UBE2R2: variants seen among roughly 807,000 people sequenced by gnomAD.
UBE2R2 encodes ubiquitin-conjugating enzyme E2 R2.
Under a neutral mutation model 27.8 loss-of-function variants are expected in UBE2R2, and 1 was observed. The observed-to-expected ratio is 0.04, with a 90% CI of 0.01 to 0.17. UBE2R2 has a LOEUF of 0.17. Ranked by LOEUF, UBE2R2 falls within the 10% of genes least tolerant of loss-of-function variation. The pLI is 1.00. For synonymous variants in UBE2R2, 106 were observed against 113.3 expected (o/e 0.94, Z 0.41); for missense variants, 100 against 291.0 (o/e 0.34, Z 4.78).
rs975643958 is a variant in UBE2R2, at chr9:33,856,838, C to T, written c.178-30043C>T. Among the ~76,000 whole-genome samples, 9 of 150,636 alleles carry T rather than the reference C, an allele frequency of 6.0e-5. No homozygotes were observed. The South Asian group carries it at 1.1e-3, about 18-fold the overall frequency. On this transcript the variant is annotated intron_variant, in intron 1 of 4. Transcript: ENST00000263228. ...CCTTCCATCCATCCATCCGTCTGTCCGTCCTTCCATCCATCCATCCGTCTG... is the reference window on the plus strand; with the variant it reads ...CCTTCCATCCATCCATCCGTCTGTCTGTCCTTCCATCCATCCATCCGTCTG...
intron 1 of UBE2R2, among the ~76,000 whole-genome samples, chr9:33,877,488 T>C (rs573254806): frequency 6.6e-6 from 1 of 152,034 alleles, no homozygotes; most frequent in East Asian, 1.9e-4. Flanking sequence ...TTTTAAAAGA[T>C]TATATAGTAG....
At chr9:33,905,603 A>G (rs1447100464) in intron 3 of UBE2R2, among the ~76,000 whole-genome samples, 5 of 152,220 alleles carry the variant, frequency 3.3e-5, no homozygotes, top group Non-Finnish European at 7.3e-5. Flanking sequence ...GAGGTGTTAT[A>G]TTTGTTGGTT....
intron 2 of UBE2R2, among the ~76,000 whole-genome samples, chr9:33,896,722 A>G (rs1822114049): frequency 6.6e-6 from 1 of 151,408 alleles, no homozygotes; most frequent in South Asian, 2.1e-4. Flanking sequence ...TCCTGGGGTT[A>G]CAGGCGTGAG....
chr9:33,879,362 G>A (rs757942726), intron 1 of UBE2R2, among the ~76,000 whole-genome samples: 7 of 152,164 alleles, frequency 4.6e-5, no homozygotes, highest in Non-Finnish European at 1.0e-4. Context: ...ACTGCTATCT[G>A]TGCTACCTTT....
intron 3 of UBE2R2, among the ~76,000 whole-genome samples, chr9:33,908,384 T>C (rs565324680): frequency 1.3e-5 from 2 of 152,180 alleles, no homozygotes; most frequent in African/African-American, 2.4e-5. Flanking sequence ...CTTGGTCTTA[T>C]GTCTACTGCT....
At chr9:33,824,674 G>A (rs1481602329) in intron 1 of UBE2R2, among the ~76,000 whole-genome samples, 2 of 151,192 alleles carry the variant, frequency 1.3e-5, no homozygotes, top group African/African-American at 2.4e-5. Context: ...GTGATGGTCC[G>A]CACCTGCAGT....
At chr9:33,834,765 C>T (rs932680539) in intron 1 of UBE2R2, among the ~76,000 whole-genome samples, 4 of 151,826 alleles carry the variant, frequency 2.6e-5, no homozygotes, top group Non-Finnish European at 5.9e-5. Context: ...ACAAAATTAG[C>T]CGGATGTGGT....
At chr9:33,880,503 A>G (rs756610091) in intron 1 of UBE2R2, among the ~76,000 whole-genome samples, 24 of 152,136 alleles carry the variant, frequency 1.6e-4, no homozygotes, top group Non-Finnish European at 2.5e-4. Context: ...GTATTATGTC[A>G]TTTCTTTAAA....
intron 3 of UBE2R2, among the ~76,000 whole-genome samples, chr9:33,904,617 T>TAACTCTCA (rs1822312924): frequency 6.6e-6 from 1 of 152,224 alleles, no homozygotes; most frequent in Admixed American, 6.5e-5. Flanking sequence ...TAAGTCAGTC[T>TAACTCTCA]GTATTATCAG....
At chr9:33,906,004 C>T (rs775764373) in intron 3 of UBE2R2, among the ~76,000 whole-genome samples, 6 of 152,124 alleles carry the variant, frequency 3.9e-5, no homozygotes, top group East Asian at 1.9e-4. Flanking sequence ...AATCAATCTG[C>T]GTGTGTGTTT....
At chr9:33,912,707 T>G (rs2130822553) in intron 4 of UBE2R2, among the ~76,000 whole-genome samples, 1 of 152,178 alleles carries the variant, frequency 6.6e-6, no homozygotes, top group Non-Finnish European at 1.5e-5. Flanking sequence ...TTGGAAATCC[T>G]CATTATCAGC....
At chr9:33,886,796 T>A in intron 1 of UBE2R2, 85 bp from the exon 2 acceptor site, 1 of 1,133,708 alleles carries the variant, frequency 8.8e-7, no homozygotes, top group Admixed American at 3.0e-5. Flanking sequence ...GAGCTTTGTT[T>A]CTGTGGCGTG....
intron 1 of UBE2R2, among the ~76,000 whole-genome samples, chr9:33,876,340 A>AGC (rs1422127243): frequency 6.6e-6 from 1 of 151,978 alleles, no homozygotes; most frequent in Non-Finnish European, 1.5e-5. Flanking sequence ...TGGGCGACAG[A>AGC]GCAAGACTCC....
Position 33,919,333 on chromosome 9 carries a change from T to C in UBE2R2, c.*2096T>C, listed in dbSNP as rs1312775514. The C allele has an allele frequency of 6.6e-6, 1 of 151,896 alleles. No homozygotes were observed. Among genetic ancestry groups the C allele is most frequent in the Non-Finnish European group, 1.5e-5 (1 of 67,998 alleles). The allele number at this position is 151,896 out of a possible 1,614,324, so 9.4% of individuals were successfully genotyped here. A position where few individuals can be genotyped will look rare whatever the true frequency, so the allele number is the denominator to read the frequency against. On this transcript the variant is annotated 3_prime_UTR_variant, in exon 5 of 5. Transcript: ENST00000263228. ...AACCCCCATGCAAGTTTACAGCCAG[T>C]AGCTTGGTCTTATTCTCTTGGAGCC...
At chr9:33,884,898 G>C (rs1417233386) in intron 1 of UBE2R2, among the ~76,000 whole-genome samples, 1 of 152,012 alleles carries the variant, frequency 6.6e-6, no homozygotes, top group Admixed American at 6.6e-5. Context: ...CAGGGTTTTT[G>C]TTGTTGCCAT....
At chr9:33,902,821 C>T (rs538266529) in intron 3 of UBE2R2, among the ~76,000 whole-genome samples, 2 of 152,162 alleles carry the variant, frequency 1.3e-5, no homozygotes, top group Non-Finnish European at 2.9e-5. Context: ...AGTTGTAGGC[C>T]GGGCGCAGTG....
chr9:33,907,218 A>G (rs1822375417), intron 3 of UBE2R2, among the ~76,000 whole-genome samples: 1 of 152,258 alleles, frequency 6.6e-6, no homozygotes, highest in Non-Finnish European at 1.5e-5. Context: ...TAACTGAAGC[A>G]GGCAAAAGGA....
intron 3 of UBE2R2, among the ~76,000 whole-genome samples, chr9:33,901,912 CTTTT>C (rs529372244): frequency 1.5e-5 from 2 of 132,270 alleles, no homozygotes; most frequent in Non-Finnish European, 3.3e-5. Flanking sequence ...TCTCATATTT[CTTTT>C]TTTTTTTTTT....
In UBE2R2 at chr9:33,887,521, G is replaced by A. The variant is rs144250112; in HGVS notation, c.264+554G>A. Reference sequence around the variant, plus strand: ...GCATTTCTAGCTTTGTTGATGAAACGTACTTAGCTTTGGGCTAATCCATAA... The same window carrying A: ...GCATTTCTAGCTTTGTTGATGAAACATACTTAGCTTTGGGCTAATCCATAA... On this transcript the variant is annotated intron_variant, in intron 2 of 4. Coordinates refer to ENST00000263228, the MANE Select transcript of UBE2R2 (RefSeq NM_017811.4). Among the ~76,000 whole-genome samples, 39 of 152,310 alleles carry A rather than the reference G, an allele frequency of 2.6e-4. No individual in the cohort carries two copies. In the East Asian group the frequency reaches 3.9e-3, roughly 15 times the overall value.
Sources: gnomAD v4.1 joint callset for allele counts (sites outside exome capture counted in the v4.1 genomes callset) on GRCh38, gnomAD v4.1.1 for gene constraint, MANE v1.5 for transcripts, NCBI Gene and HGNC (gene_info 2026-07-23, HGNC 2026-07-21) for gene names.